Variants in ARHGAP25 observed in about 807,000 individuals in gnomAD.
ARHGAP25 encodes rho GTPase-activating protein 25.
A neutral mutation model predicts 71.0 loss-of-function variants in ARHGAP25; 34 were observed. The ratio of observed to expected loss-of-function variants is 0.48; its 90% CI spans 0.36 to 0.64. ARHGAP25 has a LOEUF of 0.64. ARHGAP25 is among the 30% of genes least tolerant of loss of function. The pLI, the probability that ARHGAP25 is intolerant of heterozygous loss-of-function variation, is 0.00. For synonymous variants in ARHGAP25, 282 were observed against 296.5 expected (o/e 0.95, Z 0.50); for missense variants, 706 against 805.1 (o/e 0.88, Z 1.49).
At position 68,735,525 on chromosome 2, in the gene ARHGAP25, A is replaced by G. The variant is rs534197975; in HGVS notation, c.61+265A>G. The G allele has an allele frequency of 1.6e-4, 91 of 552,802 alleles. 2 individuals are homozygous for G. In the South Asian group the frequency reaches 2.0e-3, roughly 12 times the overall value. The allele number at this position is 552,802 out of a possible 1,614,324, so 34.2% of individuals were successfully genotyped here. A position where few individuals can be genotyped will look rare whatever the true frequency, so the allele number is the denominator to read the frequency against. ...TACTTCGGATGATTTAAGGCTACAG[A>G]CTACACACAAAACTGTGAGTTTTTA... On this transcript the variant is annotated intron_variant, in intron 1 of 10. Transcript: ENST00000409202.
At chr2:68,813,510 C>T in intron 6 of ARHGAP25, 91 bp downstream of exon 6, 1 of 1,432,914 alleles carries the variant, frequency 7.0e-7, no homozygotes, top group Non-Finnish European at 9.3e-7. Context: ...GTCAAGGGGC[C>T]TGTACTTTTT....
intron 1 of ARHGAP25, among the ~76,000 whole-genome samples, chr2:68,736,346 G>A (rs147003023): frequency 8.9e-4 from 135 of 152,240 alleles, no homozygotes; most frequent in Non-Finnish European, 1.6e-3. Context: ...TGTATGCTGA[G>A]GTCAGTTCAG....
At chr2:68,771,941 G>A (rs1380100195) in intron 1 of ARHGAP25, among the ~76,000 whole-genome samples, 2 of 152,186 alleles carry the variant, frequency 1.3e-5, no homozygotes, top group Admixed American at 1.3e-4. Flanking sequence ...CTGCTACAAG[G>A]GCATCAAAGG....
chr2:68,754,147 G>C (rs912203131), intron 1 of ARHGAP25, among the ~76,000 whole-genome samples: 1 of 152,086 alleles, frequency 6.6e-6, no homozygotes, highest in Middle Eastern at 3.4e-3. Flanking sequence ...ATTTTGAACT[G>C]CAATCAGGTG....
At chr2:68,733,330 T>A (rs1437586505), upstream of ARHGAP25, among the ~76,000 whole-genome samples, 1 of 152,130 alleles carries the variant, frequency 6.6e-6, no homozygotes, top group Non-Finnish European at 1.5e-5. Flanking sequence ...TTGATGAGAA[T>A]ATATTTTGTG....
At chr2:68,772,407 G>A (rs994602519) in intron 1 of ARHGAP25, among the ~76,000 whole-genome samples, 1 of 152,188 alleles carries the variant, frequency 6.6e-6, no homozygotes, top group Non-Finnish European at 1.5e-5. Flanking sequence ...GCTAGAAGGG[G>A]GTCCTCCCTA....
chr2:68,811,151 G>A (rs1680783143), intron 5 of ARHGAP25, among the ~76,000 whole-genome samples: 1 of 152,192 alleles, frequency 6.6e-6, no homozygotes, highest in Admixed American at 6.5e-5. Context: ...GCCCTAGAGT[G>A]GGCAGAGTAT....
chr2:68,799,365 A>T, intron 4 of ARHGAP25, among the ~76,000 whole-genome samples: 2 of 152,070 alleles, frequency 1.3e-5, no homozygotes, highest in East Asian at 3.9e-4. Context: ...TGCACTATTT[A>T]CTGTATCTGC....
chr2:68,755,448 TTC>T (rs2104327453), intron 1 of ARHGAP25, among the ~76,000 whole-genome samples: 1 of 152,320 alleles, frequency 6.6e-6, no homozygotes, highest in East Asian at 1.9e-4. Flanking sequence ...TCATACTGGA[TTC>T]TCTTTTTCAA....
Position 68,789,071 on chromosome 2 carries a change from C to T in ARHGAP25, c.466+1115C>T, listed in dbSNP as rs536769012. On this transcript the variant is annotated intron_variant, in intron 4 of 10. Coordinates refer to ENST00000409202, the MANE Select transcript of ARHGAP25 (RefSeq NM_001007231.3). ...TTTCCGAGACGGAGTCTTGGTCTGTCGCCCAGGATGGAGTGCAGTGGCGTG... is the reference window on the plus strand; with the variant it reads ...TTTCCGAGACGGAGTCTTGGTCTGTTGCCCAGGATGGAGTGCAGTGGCGTG... Among the ~76,000 whole-genome samples, 89 of 151,406 alleles carry T rather than the reference C, an allele frequency of 5.9e-4. 1 individual carries two copies. Among genetic ancestry groups the T allele is most frequent in the Admixed American group, 1.8e-3 (27 of 15,216 alleles).
chr2:68,815,390 A>T (rs1373904693), intron 6 of ARHGAP25, among the ~76,000 whole-genome samples: 1 of 146,296 alleles, frequency 6.8e-6, no homozygotes, highest in Non-Finnish European at 1.5e-5. Flanking sequence ...TCTGCAGGAG[A>T]GCTGCTCAGG....
At chr2:68,759,457 C>T (rs571419101) in intron 1 of ARHGAP25, among the ~76,000 whole-genome samples, 3 of 151,850 alleles carry the variant, frequency 2.0e-5, no homozygotes, top group Middle Eastern at 6.8e-3. Context: ...AGCAATTGTA[C>T]ACCAACAAAT....
At chr2:68,825,871 T>C (rs776889223) in intron 10 of ARHGAP25, 116 bp from the exon 11 acceptor site, 23 of 825,928 alleles carry the variant, frequency 2.8e-5, no homozygotes, top group Non-Finnish European at 3.7e-5. Flanking sequence ...AGCTGAGAGG[T>C]TGGATAAGGG....
At position 68,795,270 on chromosome 2, in the gene ARHGAP25, G is replaced by A. The variant is rs1445670409; in HGVS notation, c.466+7314G>A. Among the ~76,000 whole-genome samples, 3 of 151,830 alleles carry A rather than the reference G, an allele frequency of 2.0e-5. No homozygotes were observed. In the East Asian group the frequency reaches 5.8e-4, roughly 29 times the overall value. On this transcript the variant is annotated intron_variant, in intron 4 of 10. Transcript: ENST00000409202. ...GTTTCTTTGGTTTCTGTTTCATTTA[G>A]TTCTGCTCTGACCTTTGTTATTTCT... is the stretch of plus-strand genomic sequence containing the variant.
intron 1 of ARHGAP25, among the ~76,000 whole-genome samples, chr2:68,756,158 G>T (rs767457910): frequency 1.3e-5 from 2 of 152,230 alleles, no homozygotes; most frequent in African/African-American, 4.8e-5. Context: ...GTGAGTTTCA[G>T]CTCTTAACAC....
At chr2:68,820,676 G>C (rs2103711523) in intron 9 of ARHGAP25, among the ~76,000 whole-genome samples, 1 of 152,188 alleles carries the variant, frequency 6.6e-6, no homozygotes, top group South Asian at 2.1e-4. Flanking sequence ...CATGGTTCAA[G>C]TAATCAAAAA....
chr2:68,734,351 A>G (rs572845820), upstream of ARHGAP25, among the ~76,000 whole-genome samples: 9 of 152,206 alleles, frequency 5.9e-5, no homozygotes, highest in Non-Finnish European at 1.3e-4. Context: ...CCCTTAGGAT[A>G]TGTGAGTGGG....
chr2:68,724,115 A>T (rs4580413), intron 2 of ARHGAP25, among the ~76,000 whole-genome samples: 38,792 of 151,972 alleles, frequency 0.26, 5,394 homozygotes, highest in East Asian at 0.47. Context: ...CACTGGGGCC[A>T]GAGAGCAGAA....
Position 68,817,875 on chromosome 2 carries a change from T to G in ARHGAP25, c.884T>G (p.Phe295Cys). The G allele has an allele frequency of 6.2e-7, 1 of 1,613,984 alleles. No individual in the cohort carries two copies. The highest frequency in any genetic ancestry group is 8.5e-7 in the Non-Finnish European group (1 of 1,179,880). ...NYSLLSYICRFLHEIQLNCAV... is the reference protein window; with the variant it reads ...NYSLLSYICRCLHEIQLNCAV... The stretch of plus-strand genomic sequence containing the variant: ...TGGGATTTCTTGGCTGTCTGTAGGT[T>G]CCTACATGAAATACAGCTGAACTGT... Residue 295 changes from phenylalanine to cysteine, a missense_variant and splice_region_variant, in exon 8 of 11, where the codon TTC becomes TGC. Physicochemically the swap from Phe to Cys is radical, Grantham distance 205. Transcript: ENST00000409202.
Sources: allele counts gnomAD v4.1 joint callset (sites outside exome capture counted in the v4.1 genomes callset), GRCh38; gene constraint gnomAD v4.1.1; transcripts MANE v1.5; gene names NCBI Gene and HGNC (gene_info 2026-07-23, HGNC 2026-07-21).